The following TCF7L2 variants were observed in gnomAD, a reference collection of about 807,000 sequenced individuals.
TCF7L2 encodes transcription factor 7 like 2.
In TCF7L2, 23 loss-of-function variants were observed where a neutral mutation model predicts 77.9. The ratio of observed to expected loss-of-function variants is 0.30; its 90% CI spans 0.21 to 0.42. TCF7L2 has a LOEUF of 0.42. TCF7L2 is among the 10% of genes least tolerant of loss of function. The probability of loss-of-function intolerance (pLI) is 1.00; values close to 1 mark genes in which losing one functional copy is unlikely to be tolerated. For missense variants in TCF7L2, 654 were observed against 793.1 expected (o/e 0.82, Z 2.11); for synonymous variants, 413 against 340.2 (o/e 1.21, Z -2.36).
intron 7 of TCF7L2, 49 bp from the exon 8 acceptor site, chr10:113,145,962 C>G: frequency 8.2e-7 from 1 of 1,222,900 alleles, no homozygotes. Flanking sequence ...TTCTTGTCCC[C>G]ACCCCCACCC....
Position 112,950,628 on chromosome 10 carries a change from G to A in TCF7L2, c.-129G>A. 2 of 899,876 alleles carry A rather than the reference G, an allele frequency of 2.2e-6. No homozygotes were observed. Among genetic ancestry groups the A allele is most frequent in the Non-Finnish European group, 3.0e-6 (2 of 671,568 alleles). The allele number at this position is 899,876 out of a possible 1,614,324, so 55.7% of individuals were successfully genotyped here. On this transcript the variant is annotated 5_prime_UTR_variant, in exon 1 of 14. Coordinates refer to ENST00000627217, the MANE Select transcript of TCF7L2 (RefSeq NM_001146274.2). ...GAAAAAGACCCCCAAGCAGAAAAAA[G>A]TTCACCTTGGACTCGTCTTTTTCTT... is the stretch of plus-strand genomic sequence containing the variant.
At chr10:113,125,243 GA>G (rs11302360) in intron 5 of TCF7L2, among the ~76,000 whole-genome samples, 69,185 of 146,014 alleles carry the variant, frequency 0.47, 16,489 homozygotes, top group African/African-American at 0.57. Context: ...AAAGATTTCA[GA>G]AAAAAAAAAA....
chr10:112,961,265 C>G lies in TCF7L2; in HGVS notation c.382-3291C>G, dbSNP rs867968708. Among the ~76,000 whole-genome samples, 27 of 134,918 alleles carry G rather than the reference C, an allele frequency of 2.0e-4. 1 individual carries two copies. The South Asian group carries it at 3.1e-3, about 16-fold the overall frequency. The allele number at this position is 134,918 out of a possible 152,430, so 88.5% of individuals were successfully genotyped here. On this transcript the variant is annotated intron_variant, in intron 3 of 13. Coordinates refer to ENST00000627217, the MANE Select transcript of TCF7L2 (RefSeq NM_001146274.2). ...CCCGACCTCAGGTGACCCCCCCCCC[C>G]CCAACCTCGGCCTTCCAAAGCGCTG...
intron 5 of TCF7L2, among the ~76,000 whole-genome samples, chr10:113,073,880 C>A (rs908300445): frequency 1.3e-5 from 2 of 152,188 alleles, no homozygotes; most frequent in African/African-American, 4.8e-5. Flanking sequence ...GTTGCTGGCG[C>A]AGCGTCCAGA....
intron 3 of TCF7L2, among the ~76,000 whole-genome samples, chr10:112,957,021 T>C (rs1207868142): frequency 1.3e-5 from 2 of 152,152 alleles, no homozygotes; most frequent in Non-Finnish European, 2.9e-5. Flanking sequence ...CTCTAGGCTA[T>C]TGTTATACAC....
intron 4 of TCF7L2, among the ~76,000 whole-genome samples, chr10:113,036,884 T>C (rs993438135): frequency 6.6e-6 from 1 of 152,076 alleles, no homozygotes; most frequent in Non-Finnish European, 1.5e-5. Flanking sequence ...GGGAACTTTT[T>C]TTTTCCCTCC....
chr10:113,145,641 A>G (rs1564959506), intron 7 of TCF7L2, among the ~76,000 whole-genome samples: 1 of 152,150 alleles, frequency 6.6e-6, no homozygotes, highest in Non-Finnish European at 1.5e-5. Flanking sequence ...TTATTTTGGT[A>G]TAAATTTACA....
chr10:113,116,965 A>T (rs758070875), intron 5 of TCF7L2, among the ~76,000 whole-genome samples: 1 of 152,202 alleles, frequency 6.6e-6, no homozygotes, highest in Non-Finnish European at 1.5e-5. Context: ...TTTAACACTG[A>T]AATCATAGAT....
intron 5 of TCF7L2, among the ~76,000 whole-genome samples, chr10:113,109,721 G>A (rs1053678943): frequency 1.3e-5 from 2 of 152,178 alleles, no homozygotes; most frequent in Non-Finnish European, 2.9e-5. Flanking sequence ...TATTATGAAA[G>A]GCTGGTGGAT....
At chr10:112,954,966 C>G (rs2094406) in intron 3 of TCF7L2, among the ~76,000 whole-genome samples, 3 of 151,928 alleles carry the variant, frequency 2.0e-5, no homozygotes, top group Non-Finnish European at 4.4e-5. Context: ...TTTAGCCGGG[C>G]AACTTCTCTT....
chr10:113,040,027 T>C lies in TCF7L2; in HGVS notation c.453T>C (p.Tyr151=), dbSNP rs747190136. The change falls in exon 5 of 14, where the codon TAT becomes TAC. Residue 151 remains tyrosine (Y), a splice_region_variant and synonymous_variant. Coordinates refer to ENST00000627217, the MANE Select transcript of TCF7L2 (RefSeq NM_001146274.2). ...TCACTTTTGTTTCCTCTCGCCAGTA[T>C]CTCCAGATGAAATGGCCACTGCTTG... 6.8e-6 allele frequency: 11 copies of C among 1,612,804 alleles called. 1 individual carries two copies. In the South Asian group the frequency reaches 1.2e-4, roughly 18 times the overall value.
chr10:113,127,989 A>T (rs944931642), intron 5 of TCF7L2, among the ~76,000 whole-genome samples: 11 of 148,612 alleles, frequency 7.4e-5, no homozygotes, highest in African/African-American at 2.5e-4. Context: ...AATGATTGGG[A>T]GCTGTCCATC....
intron 4 of TCF7L2, among the ~76,000 whole-genome samples, chr10:113,008,743 C>T (rs547126301): frequency 3.3e-5 from 5 of 152,196 alleles, no homozygotes; most frequent in African/African-American, 1.2e-4. Flanking sequence ...TGCTTGGGAG[C>T]GCCACAGTTT....
intron 4 of TCF7L2, among the ~76,000 whole-genome samples, chr10:113,001,384 G>C (rs2044448904): frequency 6.6e-6 from 1 of 152,214 alleles, no homozygotes; most frequent in African/African-American, 2.4e-5. Context: ...AGGGTAAGTA[G>C]AACCCCAGCC....
intron 5 of TCF7L2, among the ~76,000 whole-genome samples, chr10:113,140,662 GT>G (rs2068187466): frequency 6.6e-6 from 1 of 152,180 alleles, no homozygotes; most frequent in Admixed American, 6.5e-5. Context: ...CATGCCCGCT[GT>G]TTCTAAGGGC....
chr10:113,165,784 G>A lies in TCF7L2; in HGVS notation c.1621G>A (p.Ala541Thr), dbSNP rs774534267. The change falls in exon 14 of 14, where the codon GCT becomes ACT. Residue 541 changes from alanine to threonine, a missense_variant. Physicochemically the swap from Ala to Thr is moderately conservative, Grantham distance 58 (BLOSUM62 0). This residue lies in a region of TCF7L2 where 272 missense variants were observed against 215.4 expected (regional missense o/e 1.26). Coordinates refer to ENST00000627217, the MANE Select transcript of TCF7L2 (RefSeq NM_001146274.2). ...GCCTCCGCCACCCGCCCTCCTGCTC[G>A]CTGAGGCCACCCACAAGGCCTCCGC... The A allele has an allele frequency of 2.6e-5, 41 of 1,604,454 alleles. No homozygotes were observed. Among genetic ancestry groups the A allele is most frequent in the South Asian group, 3.3e-5 (3 of 89,690 alleles).
intron 4 of TCF7L2, among the ~76,000 whole-genome samples, chr10:112,968,413 T>G (rs992134707): frequency 6.6e-6 from 1 of 152,224 alleles, no homozygotes; most frequent in Admixed American, 6.5e-5. Flanking sequence ...GTTTTCTTTA[T>G]GATTTTCCTA....
chr10:113,070,031 G>A (rs1205534259), intron 5 of TCF7L2, among the ~76,000 whole-genome samples: 1 of 151,924 alleles, frequency 6.6e-6, no homozygotes, highest in Non-Finnish European at 1.5e-5. Context: ...GCCAAGGCGG[G>A]TGGATCATGA....
At chr10:113,074,394 A>AT (rs1350897101) in intron 5 of TCF7L2, among the ~76,000 whole-genome samples, 6 of 152,156 alleles carry the variant, frequency 3.9e-5, no homozygotes, top group African/African-American at 1.4e-4. Flanking sequence ...AAGCTGTGTG[A>AT]TTTTAACAAG....
Sources: gnomAD v4.1 joint callset for allele counts (sites outside exome capture counted in the v4.1 genomes callset) on GRCh38, gnomAD v4.1.1 for gene constraint, gnomAD v4.1.1 regional missense constraint, MANE v1.5 for transcripts, NCBI Gene and HGNC (gene_info 2026-07-23, HGNC 2026-07-21) for gene names.